The following KCTD1 variants were observed in gnomAD, a reference collection of about 807,000 sequenced individuals.
The protein encoded by KCTD1 is potassium channel tetramerization domain containing 1.
KCTD1 carries 24 observed loss-of-function variants against 66.0 expected under a neutral mutation model. That is an observed-to-expected ratio of 0.36 (90% confidence interval 0.26 to 0.51). The LOEUF (loss-of-function observed/expected upper bound fraction) is 0.51, where lower values mean the gene tolerates loss of function less well. KCTD1 is among the 20% of genes least tolerant of loss of function. The probability of loss-of-function intolerance (pLI) is 0.95; values close to 1 mark genes in which losing one functional copy is unlikely to be tolerated. For missense variants in KCTD1, 943 were observed against 1,205.2 expected, an observed-to-expected ratio of 0.78 and a Z score of 3.22; for synonymous variants, 511 against 517.2, an observed-to-expected ratio of 0.99 and a Z score of 0.16.
At chr18:26,550,569 C>CACAG (rs1270568939), upstream of KCTD1, among the ~76,000 whole-genome samples, 96 of 124,232 alleles carry the variant, frequency 7.7e-4, 1 homozygote, top group Non-Finnish European at 8.9e-4. The surrounding 1 kb of genome is among the most constrained non-coding windows in gnomAD (Gnocchi z 5.4). Flanking sequence ...CACACAGACA[C>CACAG]ACACACACAC....
At chr18:26,624,877 A>G (rs530325301) in intron 1 of KCTD1, among the ~76,000 whole-genome samples, 99 of 152,318 alleles carry the variant, frequency 6.5e-4, no homozygotes, top group African/African-American at 2.3e-3. Flanking sequence ...GGGAGGATGT[A>G]CCCTGCAAAG....
In KCTD1 at chr18:26,498,307, T is replaced by C. The variant is rs144497070; in HGVS notation, c.1988+2765A>G. Among the ~76,000 whole-genome samples, 600 of 152,108 alleles carry C rather than the reference T, an allele frequency of 3.9e-3. 6 individuals are homozygous for C. Among genetic ancestry groups the C allele is most frequent in the African/African-American group, 0.013 (558 of 41,476 alleles). On this transcript the variant is annotated intron_variant, in intron 2 of 4. Transcript: ENST00000580059. ...GAAAGGAAGATCAACAATTCTATCT[T>C]TTCTAATTACGTTGGTGAAAGAGAC...
intron 1 of KCTD1, chr18:26,575,591 G>C (rs934943709): frequency 5.3e-5 from 8 of 152,206 alleles, no homozygotes; most frequent in Non-Finnish European, 1.5e-5. Context: ...GTGACCTGGG[G>C]AAATGGCTTA....
chr18:26,655,684 C>G (rs1988118141), intron 1 of KCTD1: 1 of 152,270 alleles, frequency 6.6e-6, no homozygotes, highest in Admixed American at 6.5e-5. Flanking sequence ...TCCGCCCAGC[C>G]GAACCCCGAA....
At chr18:26,593,444 CAAG>C (rs1383557669) in intron 1 of KCTD1, among the ~76,000 whole-genome samples, 1 of 63,872 alleles carries the variant, frequency 1.6e-5, no homozygotes. Flanking sequence ...AGGAGGAAGA[CAAG>C]GAGGATGAGG....
At chr18:26,593,405 TGAG>T (rs77415589) in intron 1 of KCTD1, among the ~76,000 whole-genome samples, 27,605 of 80,864 alleles carry the variant, frequency 0.34, 3,310 homozygotes, top group East Asian at 0.43. Context: ...AGGAGGAAGA[TGAG>T]GAGGAGAAGG....
At chr18:26,639,385 G>T (rs1042558579) in intron 1 of KCTD1, among the ~76,000 whole-genome samples, 5 of 152,104 alleles carry the variant, frequency 3.3e-5, no homozygotes, top group African/African-American at 1.2e-4. Context: ...CCAGGGCTTT[G>T]GTTCCTATCT....
At position 26,546,850 on chromosome 18, in the gene KCTD1, C is replaced by T; in HGVS notation, c.1687G>A (p.Val563Met). 1 of 1,519,498 alleles carries T rather than the reference C, an allele frequency of 6.6e-7. No homozygotes were observed. The highest frequency in any genetic ancestry group is 8.8e-7 in the Non-Finnish European group (1 of 1,134,186). The allele number at this position is 1,519,498 out of a possible 1,614,324, so 94.1% of individuals were successfully genotyped here. Residue 563 changes from valine (V) to methionine (M), a missense_variant, in exon 1 of 5, where the codon GTG becomes ATG. Val to Met is a conservative substitution (Grantham distance 21). Transcript: ENST00000580059. ...KRLCIRPSEP[V>M]DAVVVVSVKH... ...ACGGAAACCACCACCACCGCATCCA[C>T]AGGCTCCGAGGGGCGGATACAAAGT...
At chr18:26,459,496 C>G in intron 4 of KCTD1, 124 bp downstream of exon 4, 1 of 882,422 alleles carries the variant, frequency 1.1e-6, no homozygotes, top group Non-Finnish European at 1.7e-6. Flanking sequence ...ATTCACCTAC[C>G]CAACAGAAGT....
rs539462752 is a variant in KCTD1 at position 26,621,746 on chromosome 18, A to C, written c.-16+7401T>G. On this transcript the variant is annotated intron_variant, in intron 1 of 4. Coordinates refer to the KCTD1 transcript ENST00000317932. ...TGAAAATACAATTTATCTTGTTAAA[A>C]GGCACTGGAAGACCCAAACCCTTCT... is the stretch of plus-strand genomic sequence containing the variant. 2.0e-5 allele frequency among the ~76,000 whole-genome samples: 3 copies of C among 152,362 alleles called. No individual in the cohort carries two copies. In the East Asian group the frequency reaches 5.8e-4, roughly 29 times the overall value.
chr18:26,603,430 T>TAAA (rs57816578), intron 1 of KCTD1, among the ~76,000 whole-genome samples: 8 of 131,108 alleles, frequency 6.1e-5, no homozygotes, highest in East Asian at 2.3e-4. Flanking sequence ...GAGACCCTGT[T>TAAA]AAAAAAAAAA....
intron 1 of KCTD1, among the ~76,000 whole-genome samples, chr18:26,546,217 CTTTT>C (rs1233646030): frequency 2.4e-5 from 3 of 126,286 alleles, no homozygotes; most frequent in Non-Finnish European, 3.3e-5. Flanking sequence ...CTCTCCACCC[CTTTT>C]CTTTAAAAAA....
chr18:26,502,121 C>A (rs1952744382), intron 1 of KCTD1, among the ~76,000 whole-genome samples: 1 of 152,238 alleles, frequency 6.6e-6, no homozygotes, highest in Non-Finnish European at 1.5e-5. Context: ...ACGATCTCGG[C>A]TCACTGCCAG....
At chr18:26,482,979 G>A (rs1981726780) in intron 2 of KCTD1, among the ~76,000 whole-genome samples, 1 of 152,208 alleles carries the variant, frequency 6.6e-6, no homozygotes, top group South Asian at 2.1e-4. Flanking sequence ...TTTTCTCTAT[G>A]TCTAGGCTTC....
chr18:26,623,117 T>C (rs17680528), intron 1 of KCTD1, among the ~76,000 whole-genome samples: 2,559 of 152,286 alleles, frequency 0.017, 46 homozygotes, highest in Middle Eastern at 0.061. Flanking sequence ...TTGCCTCTCC[T>C]GGCTCCAGGT....
intron 1 of KCTD1, among the ~76,000 whole-genome samples, chr18:26,585,212 T>C (rs980445817): frequency 1.3e-5 from 2 of 152,164 alleles, no homozygotes; most frequent in Non-Finnish European, 2.9e-5. Context: ...GTACATTCCT[T>C]GTACATTTTG....
At chr18:26,623,737 T>C (rs1368024667) in intron 1 of KCTD1, among the ~76,000 whole-genome samples, 1 of 152,168 alleles carries the variant, frequency 6.6e-6, no homozygotes, top group Non-Finnish European at 1.5e-5. Flanking sequence ...GGTGCTGCTA[T>C]AAGGATACCT....
intron 1 of KCTD1, among the ~76,000 whole-genome samples, chr18:26,501,470 C>A (rs962492315): frequency 1.2e-4 from 19 of 152,184 alleles, no homozygotes; most frequent in Admixed American, 3.9e-4. Flanking sequence ...AGGAGCTGAA[C>A]TAATGTTCAC....
At chr18:26,609,864 C>T (rs977688584) in intron 1 of KCTD1, among the ~76,000 whole-genome samples, 49 of 152,104 alleles carry the variant, frequency 3.2e-4, no homozygotes, top group Admixed American at 1.8e-3. Flanking sequence ...ATGCTTTTGC[C>T]GAAAGTGATC....
Sources: gnomAD v4.1 joint callset for allele counts (sites outside exome capture counted in the v4.1 genomes callset) on GRCh38, gnomAD v4.1.1 for gene constraint, Gnocchi (gnomAD v3.1) non-coding constraint, MANE v1.5 for transcripts, NCBI Gene and HGNC (gene_info 2026-07-23, HGNC 2026-07-21) for gene names.